C8orf89: variants seen among roughly 807,000 people sequenced by gnomAD.
C8orf89 encodes chromosome 8 open reading frame 89.
C8orf89 carries 14 observed loss-of-function variants against 15.8 expected under a neutral mutation model. The observed-to-expected ratio is 0.89, with a 90% CI of 0.59 to 1.39. The LOEUF (loss-of-function observed/expected upper bound fraction) is 1.39, where lower values mean the gene tolerates loss of function less well. Among genes scored for constraint, C8orf89 ranks in the 40% most tolerant of loss-of-function variants. The pLI is 0.00. For missense variants in C8orf89, 181 were observed against 184.5 expected (o/e 0.98, Z 0.11); for synonymous variants, 55 against 62.2 (o/e 0.88, Z 0.54).
At chr8:73,278,724 T>C in the C8orf89 span, among the ~76,000 whole-genome samples, 1 of 152,204 alleles carries the variant, frequency 6.6e-6, no homozygotes, top group Non-Finnish European at 1.5e-5. Flanking sequence ...TGATACTATA[T>C]CTATTATTCT....
chr8:73,271,322 G>A, the C8orf89 span, among the ~76,000 whole-genome samples: 1 of 152,206 alleles, frequency 6.6e-6, no homozygotes, highest in Non-Finnish European at 1.5e-5. Context: ...TGGGTCATGG[G>A]AGTGGATCTC....
intron 2 of C8orf89, among the ~76,000 whole-genome samples, chr8:73,251,080 T>G (rs1813236464): frequency 6.6e-6 from 1 of 152,086 alleles, no homozygotes; most frequent in Non-Finnish European, 1.5e-5. Flanking sequence ...TTTCCAAGCA[T>G]GAGCCACTGA....
the C8orf89 span, among the ~76,000 whole-genome samples, chr8:73,273,835 T>A: frequency 6.6e-6 from 1 of 151,878 alleles, no homozygotes; most frequent in Admixed American, 6.5e-5. Context: ...AATATCCAAC[T>A]GTTTATCTTG....
At chr8:73,257,462 T>C (rs183201665) in intron 1 of C8orf89, among the ~76,000 whole-genome samples, 225 of 152,352 alleles carry the variant, frequency 1.5e-3, no homozygotes, top group Non-Finnish European at 2.5e-3. Flanking sequence ...AAAAGGCACT[T>C]TCAAGAGTCT....
upstream of C8orf89, among the ~76,000 whole-genome samples, chr8:73,261,926 A>G (rs1423293807): frequency 2.0e-5 from 3 of 152,022 alleles, no homozygotes; most frequent in African/African-American, 7.2e-5. Context: ...CACCCTCTCT[A>G]TTCTTGGGGT....
intron 2 of C8orf89, among the ~76,000 whole-genome samples, chr8:73,256,110 A>C (rs1207634220): frequency 1.4e-5 from 2 of 148,088 alleles, no homozygotes. Context: ...AAAGTATAAT[A>C]ATAATAAAAA....
intron 2 of C8orf89, among the ~76,000 whole-genome samples, chr8:73,252,121 A>G (rs1002735171): frequency 6.6e-6 from 1 of 152,250 alleles, no homozygotes; most frequent in African/African-American, 2.4e-5. Context: ...CTTCAGAAAG[A>G]ACAGTTTTGC....
chr8:73,267,843 G>C, the C8orf89 span, among the ~76,000 whole-genome samples: 1 of 152,116 alleles, frequency 6.6e-6, no homozygotes, highest in East Asian at 1.9e-4. Context: ...AAAGTCCCTG[G>C]AGAAAAACTG....
At chr8:73,242,806 A>C (rs1454571607) in intron 3 of C8orf89, among the ~76,000 whole-genome samples, 1 of 152,226 alleles carries the variant, frequency 6.6e-6, no homozygotes, top group Non-Finnish European at 1.5e-5. Context: ...ATTGCTAGAC[A>C]TATACCCAAA....
At chr8:73,271,341 G>A in the C8orf89 span, among the ~76,000 whole-genome samples, 1 of 152,198 alleles carries the variant, frequency 6.6e-6, no homozygotes, top group East Asian at 1.9e-4. Context: ...TCTCATGAAT[G>A]GCTAGGTGCC....
At position 73,241,718 on chromosome 8, in the gene C8orf89, T is replaced by A. The variant is rs531190459; in HGVS notation, c.338-113A>T. The A allele has an allele frequency of 2.1e-5, 18 of 851,974 alleles. No individual in the cohort carries two copies. In the African/African-American group the frequency reaches 2.9e-4, roughly 14 times the overall value. 52.8% of individuals were successfully genotyped at this position (851,974 alleles called of 1,614,324 possible). A position where few individuals can be genotyped will look rare whatever the true frequency, so the allele number is the denominator to read the frequency against. On this transcript the variant is annotated intron_variant, in intron 3 of 3. Transcript: ENST00000624510. ...TCTTCCACAAATGACTATTACACAC[T>A]ACTAGTTCTTATACTACAGAGCTAT...
chr8:73,277,632 T>C, the C8orf89 span: 3 of 759,892 alleles, frequency 3.9e-6, no homozygotes. Context: ...CATAGAACTT[T>C]TTCTTTTCAT....
the C8orf89 span, among the ~76,000 whole-genome samples, chr8:73,283,860 T>C: frequency 6.6e-6 from 1 of 151,934 alleles, no homozygotes; most frequent in African/African-American, 2.4e-5. Flanking sequence ...GCCAACATGG[T>C]GAAACCCCAT....
the C8orf89 span, among the ~76,000 whole-genome samples, chr8:73,269,562 C>T: frequency 2.0e-5 from 3 of 152,198 alleles, no homozygotes; most frequent in Non-Finnish European, 4.4e-5. Context: ...AACCACCAAC[C>T]CTTACAGCGA....
intron 3 of C8orf89, among the ~76,000 whole-genome samples, chr8:73,242,419 G>A (rs1813026571): frequency 6.6e-6 from 1 of 151,788 alleles, no homozygotes; most frequent in South Asian, 2.1e-4. Flanking sequence ...GACCAGCCTG[G>A]GCAACATAGC....
intron 2 of C8orf89, among the ~76,000 whole-genome samples, chr8:73,255,369 T>G (rs1309075857): frequency 6.6e-6 from 1 of 151,460 alleles, no homozygotes; most frequent in Non-Finnish European, 1.5e-5. Context: ...CATGAAAAAA[T>G]GCTCACCATC....
chr8:73,271,086 T>A, the C8orf89 span, among the ~76,000 whole-genome samples: 1 of 152,160 alleles, frequency 6.6e-6, no homozygotes, highest in Non-Finnish European at 1.5e-5. Context: ...TGCCACCCCT[T>A]CCTGGATAAG....
chr8:73,264,694 T>A, the C8orf89 span, among the ~76,000 whole-genome samples: 1 of 152,200 alleles, frequency 6.6e-6, no homozygotes, highest in Admixed American at 6.5e-5. Flanking sequence ...TTTTGCCATG[T>A]TGACCAGGCT....
chr8:73,274,821 C>T, the C8orf89 span, among the ~76,000 whole-genome samples: 1 of 151,982 alleles, frequency 6.6e-6, no homozygotes, highest in Admixed American at 6.6e-5. Context: ...CTTTTTTTCA[C>T]TCGAGATTGA....
Sources: gnomAD v4.1 joint callset for allele counts (sites outside exome capture counted in the v4.1 genomes callset) on GRCh38, gnomAD v4.1.1 for gene constraint, MANE v1.5 for transcripts, NCBI Gene and HGNC (gene_info 2026-07-23, HGNC 2026-07-21) for gene names.